The following EEFSEC variants were observed in gnomAD, a reference collection of about 807,000 sequenced individuals.
EEFSEC encodes selenocysteine-specific elongation factor.
Under a neutral mutation model 42.1 loss-of-function variants are expected in EEFSEC, and 43 were observed. The ratio of observed to expected loss-of-function variants is 1.02; its 90% CI spans 0.80 to 1.32. EEFSEC has a LOEUF of 1.32. Among genes scored for constraint, EEFSEC ranks in the 40% most tolerant of loss-of-function variants. The pLI, the probability that EEFSEC is intolerant of heterozygous loss-of-function variation, is 0.00. For missense variants in EEFSEC, 745 were observed against 803.6 expected (o/e 0.93, Z 0.88); for synonymous variants, 354 against 339.1 (o/e 1.04, Z -0.48).
In EEFSEC at chr3:128,360,453, C is replaced by T. The variant is rs186535337; in HGVS notation, c.1600+2080C>T. 4.9e-4 allele frequency among the ~76,000 whole-genome samples: 74 copies of T among 152,368 alleles called. 1 individual carries two copies. Among genetic ancestry groups the T allele is most frequent in the Non-Finnish European group, 7.6e-4 (52 of 68,044 alleles). ...GAGGAGCACTGATCCTTCCCCTAAA[C>T]AGCTCTGGGGCCCTGCTGGACCAGG... is the stretch of plus-strand genomic sequence containing the variant. On this transcript the variant is annotated intron_variant, in intron 6 of 6. Coordinates refer to ENST00000254730, the MANE Select transcript of EEFSEC (RefSeq NM_021937.5).
At chr3:128,341,176 TC>T in intron 4 of EEFSEC, 56 bp from the exon 5 acceptor site, 1 of 1,537,658 alleles carries the variant, frequency 6.5e-7, no homozygotes. Flanking sequence ...TCCCCTCTCC[TC>T]CCCACAGCCC....
At chr3:128,184,532 G>T (rs1289934157) in intron 1 of EEFSEC, among the ~76,000 whole-genome samples, 1 of 152,066 alleles carries the variant, frequency 6.6e-6, no homozygotes, top group Non-Finnish European at 1.5e-5. Context: ...ATATTCCTTT[G>T]TATATATATT....
chr3:128,239,366 G>A (rs2066046377), intron 1 of EEFSEC, among the ~76,000 whole-genome samples: 1 of 152,238 alleles, frequency 6.6e-6, no homozygotes, highest in South Asian at 2.1e-4. Flanking sequence ...TGCATTTAGT[G>A]AGTCTGGGGC....
At chr3:128,295,451 C>CTTTTTTTTTTTTT (rs201911929) in intron 4 of EEFSEC, among the ~76,000 whole-genome samples, 3 of 63,986 alleles carry the variant, frequency 4.7e-5, no homozygotes, top group Non-Finnish European at 8.4e-5. Context: ...CTTCCCCCTA[C>CTTTTTTTTTTTTT]TTTTTTTTTT....
chr3:128,159,686 C>T (rs1944445613), intron 1 of EEFSEC, among the ~76,000 whole-genome samples: 1 of 152,192 alleles, frequency 6.6e-6, no homozygotes, highest in Non-Finnish European at 1.5e-5. Context: ...TCTCTTCCTC[C>T]AGTGGGCCCA....
At chr3:128,378,823 G>A (rs373017862) in intron 6 of EEFSEC, among the ~76,000 whole-genome samples, 11 of 152,184 alleles carry the variant, frequency 7.2e-5, no homozygotes, top group African/African-American at 9.7e-5. Flanking sequence ...AGGGAGGCCC[G>A]AAGCCAGCTT....
chr3:128,277,528 T>C (rs1365766208), intron 4 of EEFSEC, among the ~76,000 whole-genome samples: 2 of 152,214 alleles, frequency 1.3e-5, no homozygotes, highest in Non-Finnish European at 2.9e-5. Context: ...ATGAGGGTGA[T>C]TGATTCACAG....
intron 4 of EEFSEC, among the ~76,000 whole-genome samples, chr3:128,307,149 G>C (rs1241705322): frequency 6.6e-6 from 1 of 152,256 alleles, no homozygotes; most frequent in Non-Finnish European, 1.5e-5. Context: ...GCCACACATG[G>C]GGCCTTGCCT....
chr3:128,303,346 G>C (rs1391782588), intron 4 of EEFSEC, among the ~76,000 whole-genome samples: 3 of 152,150 alleles, frequency 2.0e-5, no homozygotes, highest in African/African-American at 4.8e-5. Context: ...ACAACAGTAT[G>C]TGAGATGGCC....
chr3:128,201,575 G>A (rs969492803), intron 1 of EEFSEC, among the ~76,000 whole-genome samples: 1 of 152,070 alleles, frequency 6.6e-6, no homozygotes, highest in African/African-American at 2.4e-5. Context: ...AAATTATTTT[G>A]TTGTTGAGTT....
chr3:128,169,780 T>C (rs1218853985), intron 1 of EEFSEC, among the ~76,000 whole-genome samples: 1 of 152,184 alleles, frequency 6.6e-6, no homozygotes, highest in Non-Finnish European at 1.5e-5. Context: ...ACATCAGAGA[T>C]ACTAAGTATC....
At chr3:128,299,172 C>G (rs1360242564) in intron 4 of EEFSEC, among the ~76,000 whole-genome samples, 1 of 152,178 alleles carries the variant, frequency 6.6e-6, no homozygotes, top group Non-Finnish European at 1.5e-5. Flanking sequence ...CCGTATCAAT[C>G]TAAATTCCCA....
chr3:128,189,454 C>T (rs2065498689), intron 1 of EEFSEC, among the ~76,000 whole-genome samples: 1 of 152,066 alleles, frequency 6.6e-6, no homozygotes, highest in Admixed American at 6.5e-5. Context: ...TCTTATAGCA[C>T]ATATAGTTAC....
intron 2 of EEFSEC, among the ~76,000 whole-genome samples, chr3:128,256,565 G>T (rs2066243918): frequency 6.6e-6 from 1 of 152,142 alleles, no homozygotes; most frequent in Admixed American, 6.5e-5. Context: ...GGGCTTCTTG[G>T]CTGCATGTGG....
chr3:128,190,568 A>T (rs2065513229), intron 1 of EEFSEC, among the ~76,000 whole-genome samples: 1 of 152,354 alleles, frequency 6.6e-6, no homozygotes, highest in South Asian at 2.1e-4. Flanking sequence ...AAAGTAAAAA[A>T]GTTATAGTGA....
intron 1 of EEFSEC, among the ~76,000 whole-genome samples, chr3:128,236,034 G>C (rs1203522068): frequency 6.6e-6 from 1 of 152,112 alleles, no homozygotes; most frequent in African/African-American, 2.4e-5. Context: ...GCGCAATCTC[G>C]CCTTACTGCA....
intron 4 of EEFSEC, among the ~76,000 whole-genome samples, chr3:128,330,718 G>T (rs965486089): frequency 6.6e-6 from 1 of 151,974 alleles, no homozygotes; most frequent in African/African-American, 2.4e-5. Context: ...GCACAAGGGG[G>T]CAGGGGGCAT....
chr3:128,171,178 T>G lies in EEFSEC; in HGVS notation c.316+17355T>G, dbSNP rs570281986. 4.6e-5 allele frequency among the ~76,000 whole-genome samples: 7 copies of G among 152,284 alleles called. No individual in the cohort carries two copies. In the South Asian group the frequency reaches 1.5e-3, roughly 32 times the overall value. The stretch of plus-strand genomic sequence containing the variant: ...GATGATCAATGTGTAGTTTCACAGG[T>G]CAGCATAGTTAAAATGACCTCTGAC... On this transcript the variant is annotated intron_variant, in intron 1 of 6. Coordinates refer to ENST00000254730, the MANE Select transcript of EEFSEC (RefSeq NM_021937.5).
intron 1 of EEFSEC, among the ~76,000 whole-genome samples, chr3:128,196,745 A>T (rs1177656598): frequency 6.6e-6 from 1 of 152,200 alleles, no homozygotes; most frequent in South Asian, 2.1e-4. Flanking sequence ...TGTGTCTGTC[A>T]CTTACTGGCA....
Sources: allele counts gnomAD v4.1 joint callset (sites outside exome capture counted in the v4.1 genomes callset), GRCh38; gene constraint gnomAD v4.1.1; transcripts MANE v1.5; gene names NCBI Gene and HGNC (gene_info 2026-07-23, HGNC 2026-07-21).